JUP: variants seen among roughly 807,000 people sequenced by gnomAD.
JUP encodes the protein junction plakoglobin.
JUP carries 28 observed loss-of-function variants against 71.1 expected under a neutral mutation model. The observed-to-expected ratio is 0.39, with a 90% CI of 0.29 to 0.54. The LOEUF (loss-of-function observed/expected upper bound fraction) is 0.54, where lower values mean the gene tolerates loss of function less well. JUP is among the 20% of genes least tolerant of loss of function. The pLI, the probability that JUP is intolerant of heterozygous loss-of-function variation, is 0.62. For missense variants in JUP, 869 were observed against 1,030.1 expected (o/e 0.84, Z 2.14); for synonymous variants, 401 against 438.9 (o/e 0.91, Z 1.08).
intron 1 of JUP, among the ~76,000 whole-genome samples, chr17:41,773,948 C>CA (rs1555607874): frequency 6.6e-6 from 1 of 152,228 alleles, no homozygotes; most frequent in African/African-American, 2.4e-5. Context: ...CACTGCTGGA[C>CA]ATCTGCAGCT....
At position 41,755,712 on chromosome 17, in the gene JUP, G is replaced by A. The variant is rs377259972; in HGVS notation, c.*32C>T. 5.9e-6 allele frequency: 9 copies of A among 1,529,778 alleles called. No individual in the cohort carries two copies. Among genetic ancestry groups the A allele is most frequent in the African/African-American group, 5.5e-5 (4 of 72,682 alleles). 94.8% of individuals were successfully genotyped at this position (1,529,778 alleles called of 1,614,324 possible). ...AGGTTCTAGAGAGGAGGAAAAGCCT[G>A]CAAAGAGGGGGCCGTACTGGGGCCA... On this transcript the variant is annotated 3_prime_UTR_variant, in exon 14 of 14. Coordinates refer to ENST00000393931, the MANE Select transcript of JUP (RefSeq NM_002230.4).
At chr17:41,778,842 C>T (rs1306906264) in intron 1 of JUP, among the ~76,000 whole-genome samples, 138 of 151,264 alleles carry the variant, frequency 9.1e-4, no homozygotes, top group African/African-American at 3.2e-3. Context: ...ACCCAGGAGG[C>T]GGAGCTTGCA....
intron 1 of JUP, among the ~76,000 whole-genome samples, chr17:41,780,240 C>G (rs2047094873): frequency 6.6e-6 from 1 of 150,820 alleles, no homozygotes; most frequent in Non-Finnish European, 1.5e-5. Flanking sequence ...CTACACAAAA[C>G]TTTAAAAATT....
rs782445315 is a variant in JUP, at chr17:41,758,859, G to A, written c.1509C>T (p.Gly503=). The change falls in exon 9 of 14, where the codon GGC becomes GGT. Residue 503 remains glycine, a synonymous_variant. Coordinates refer to ENST00000393931, the MANE Select transcript of JUP (RefSeq NM_002230.4). ...GGCACAGGGCCAGATTCCTGATCAA[G>A]CCGATGGTTGCCTGGCAAAAAAAGG... is the stretch of plus-strand genomic sequence containing the variant. The part of the protein sequence containing the change: ...NQWPLVKATI[G]LIRNLALCPA... 1.2e-6 allele frequency: 2 copies of A among 1,606,808 alleles called. No individual in the cohort carries two copies. The highest frequency in any genetic ancestry group is 1.7e-6 in the Non-Finnish European group (2 of 1,174,750).
At chr17:41,775,678 C>T (rs1408717430) in intron 1 of JUP, among the ~76,000 whole-genome samples, 1 of 152,150 alleles carries the variant, frequency 6.6e-6, no homozygotes, top group African/African-American at 2.4e-5. Context: ...TTGTTTAGAG[C>T]GTGCTCTATT....
intron 1 of JUP, among the ~76,000 whole-genome samples, chr17:41,783,652 G>A (rs1047675967): frequency 3.3e-5 from 5 of 151,872 alleles, no homozygotes; most frequent in Non-Finnish European, 7.4e-5. Context: ...CAGGTGAGGT[G>A]GCTCACGCCT....
chr17:41,769,178 C>T lies in JUP; in HGVS notation c.498G>A (p.Val166=), dbSNP rs894495003. ...PVVVTKAAMI[V]NQLSKKEASR... The stretch of plus-strand genomic sequence containing the variant: ...ACGCCTCCTTCTTCGACAGCTGGTT[C>T]ACAATCATGGCCGCCTTGGTCACCA... The change falls in exon 4 of 14, where the codon GTG becomes GTA. Residue 166 remains valine (V), a synonymous_variant. Transcript: ENST00000393931. The T allele has an allele frequency of 6.2e-7, 1 of 1,602,636 alleles. No individual in the cohort carries two copies. Among genetic ancestry groups the T allele is most frequent in the Non-Finnish European group, 8.5e-7 (1 of 1,179,944 alleles).
chr17:41,767,564 C>A lies in JUP; in HGVS notation c.724G>T (p.Val242Phe), dbSNP rs1555604610. 6.2e-7 allele frequency: 1 copy of A among 1,612,896 alleles called. No homozygotes were observed. Among genetic ancestry groups the A allele is most frequent in the Admixed American group, 1.7e-5 (1 of 60,020 alleles). Residue 242 changes from valine (V) to phenylalanine (F), a missense_variant, in exon 5 of 14, where the codon GTC becomes TTC. Physicochemically the swap from Val to Phe is conservative, Grantham distance 50 (BLOSUM62 -1). Transcript: ENST00000393931. ...AGCGTGGTGATGGCATAGAACAGGACCGACTCCACAGGGGAGCTGGGGGGG... is the reference window on the plus strand; with the variant it reads ...AGCGTGGTGATGGCATAGAACAGGAACGACTCCACAGGGGAGCTGGGGGGG... Reference protein sequence around the residue: ...VRMLSSPVESVLFYAITTLHN... With the variant: ...VRMLSSPVESFLFYAITTLHN...
chr17:41,758,142 G>C, intron 10 of JUP: 1 of 537,984 alleles, frequency 1.9e-6, no homozygotes, highest in South Asian at 2.8e-5. Flanking sequence ...TGGTTTTCAT[G>C]TTTATATGGT....
chr17:41,760,641 A>C (rs1914660667), intron 8 of JUP, among the ~76,000 whole-genome samples: 2 of 151,982 alleles, frequency 1.3e-5, no homozygotes, highest in Non-Finnish European at 2.9e-5. Flanking sequence ...GCTCACTGCA[A>C]CCTCTGCCTT....
rs782279056 is a variant in JUP, at chr17:41,767,458, A to C, written c.830T>G (p.Leu277Arg). 6.2e-7 allele frequency: 1 copy of C among 1,614,016 alleles called. No homozygotes were observed. The part of the protein sequence containing the change: ...ADGLQKMVPL[L>R]NKNNPKFLAI... The stretch of plus-strand genomic sequence containing the variant: ...CAGGAACTTGGGGTTGTTCTTGTTG[A>C]GCAGGGGCACCATCTTTTGCAGCCC... The change falls in exon 5 of 14, where the codon CTC becomes CGC. Residue 277 changes from leucine (L) to arginine (R), a missense_variant. Coordinates refer to ENST00000393931, the MANE Select transcript of JUP (RefSeq NM_002230.4).
intron 1 of JUP, among the ~76,000 whole-genome samples, chr17:41,776,759 C>A (rs1481513745): frequency 6.6e-6 from 1 of 152,138 alleles, no homozygotes; most frequent in African/African-American, 2.4e-5. Context: ...GTAATCCCAG[C>A]ATATTGGGAG....
At chr17:41,780,470 G>T (rs931885964) in intron 1 of JUP, among the ~76,000 whole-genome samples, 1 of 150,894 alleles carries the variant, frequency 6.6e-6, no homozygotes, top group African/African-American at 2.4e-5. Flanking sequence ...GAGGTGGGTG[G>T]ATCACTTGAG....
intron 5 of JUP, among the ~76,000 whole-genome samples, chr17:41,766,486 C>T (rs1334735465): frequency 6.6e-6 from 1 of 151,766 alleles, no homozygotes; most frequent in Non-Finnish European, 1.5e-5. Flanking sequence ...TTTGGGAGGC[C>T]AAGGCAGGCA....
intron 1 of JUP, among the ~76,000 whole-genome samples, chr17:41,776,732 C>T (rs1025133089): frequency 1.9e-4 from 29 of 152,066 alleles, no homozygotes; most frequent in African/African-American, 6.8e-4. Flanking sequence ...GGGGGCCAGG[C>T]GCGGTGGCTC....
At chr17:41,767,351 G>A in intron 5 of JUP, 28 bp downstream of exon 5, 1 of 1,603,994 alleles carries the variant, frequency 6.2e-7, no homozygotes, top group Non-Finnish European at 8.5e-7. Context: ...GTGGGCTTCA[G>A]GCCTCGGGAG....
At chr17:41,759,072 CTTTTTTT>C (rs11404112) in intron 8 of JUP, among the ~76,000 whole-genome samples, 3 of 131,096 alleles carry the variant, frequency 2.3e-5, no homozygotes, top group Admixed American at 7.9e-5. Context: ...ATGGCTAATT[CTTTTTTT>C]TTTTTTTTTT....
At chr17:41,774,484 C>T (rs1177613488) in intron 1 of JUP, among the ~76,000 whole-genome samples, 1 of 152,056 alleles carries the variant, frequency 6.6e-6, no homozygotes, top group Non-Finnish European at 1.5e-5. Context: ...CAGGTGTGCA[C>T]CACCACGCCT....
chr17:41,771,690 G>C lies in JUP; in HGVS notation c.165C>G (p.Leu55=). 1 of 1,614,054 alleles carries C rather than the reference G, an allele frequency of 6.2e-7. No individual in the cohort carries two copies. Reference sequence around the variant, plus strand: ...CCTGGGTGTAAGTGGTGGTTTTCTTGAGCGTGTACTGGCGCCCGCAGGCCT... The same window carrying C: ...CCTGGGTGTAAGTGGTGGTTTTCTTCAGCGTGTACTGGCGCCCGCAGGCCT... ...EDEACGRQYT[L]KKTTTYTQGV... is the part of the protein sequence containing the mutation. The change falls in exon 2 of 14, where the codon CTC becomes CTG. Residue 55 remains leucine, a synonymous_variant. Transcript: ENST00000393931.
Sources: allele counts gnomAD v4.1 joint callset (sites outside exome capture counted in the v4.1 genomes callset), GRCh38; gene constraint gnomAD v4.1.1; transcripts MANE v1.5; gene names NCBI Gene and HGNC (gene_info 2026-07-23, HGNC 2026-07-21).